The following IARS1 variants were observed in gnomAD, a reference collection of about 807,000 sequenced individuals.
IARS1 encodes isoleucine--tRNA ligase, cytoplasmic.
IARS1 carries 124 observed loss-of-function variants against 168.2 expected under a neutral mutation model. The observed-to-expected ratio is 0.74, with a 90% confidence interval of 0.64 to 0.86. IARS1 has a LOEUF of 0.86. IARS1 is among the 40% of genes least tolerant of loss of function. The probability of loss-of-function intolerance (pLI) is 0.00; values close to 1 mark genes in which losing one functional copy is unlikely to be tolerated. For missense variants in IARS1, 1,452 were observed against 1,515.8 expected (o/e 0.96, Z 0.70); for synonymous variants, 532 against 529.4 (o/e 1.00, Z -0.07).
Position 92,250,079 on chromosome 9 carries a change from C to A in IARS1, c.2532+108G>T, listed in dbSNP as rs770171544. 3.1e-4 allele frequency: 271 copies of A among 871,724 alleles called. 1 individual carries two copies. Among genetic ancestry groups the A allele is most frequent in the Non-Finnish European group, 4.4e-4 (229 of 521,590 alleles). The allele number at this position is 871,724 out of a possible 1,614,324, so 54.0% of individuals were successfully genotyped here. ...TACTAAGTCATTCACACCCTCACTGCAGAAAAGGAAAAAGGCCATTGGTGG... is the reference window on the plus strand; with the variant it reads ...TACTAAGTCATTCACACCCTCACTGAAGAAAAGGAAAAAGGCCATTGGTGG... On this transcript the variant is annotated intron_variant, in intron 24 of 33. Transcript: ENST00000443024.
In IARS1 at chr9:92,217,829, G is replaced by A. The variant is rs951015832; in HGVS notation, c.3706+4691C>T. The stretch of plus-strand genomic sequence containing the variant: ...TCCAGGACCAGATGGATTCACAGCC[G>A]AATTCTACCAGAGGTACAAGGAGGA... On this transcript the variant is annotated intron_variant, in intron 33 of 33. Transcript: ENST00000443024. 2.0e-3 allele frequency among the ~76,000 whole-genome samples: 306 copies of A among 151,738 alleles called. 2 individuals carry two copies. Among genetic ancestry groups the A allele is most frequent in the African/African-American group, 7.0e-3 (289 of 41,454 alleles).
intron 19 of IARS1, 49 bp downstream of exon 19, chr9:92,258,805 G>A: frequency 6.6e-7 from 1 of 1,519,552 alleles, no homozygotes; most frequent in Non-Finnish European, 8.8e-7. Flanking sequence ...GGTGAAGGGA[G>A]CGCTGTGGAG....
chr9:92,265,552 A>G lies in IARS1; in HGVS notation c.1433T>C (p.Val478Ala), dbSNP rs1426262068. 2 of 1,613,834 alleles carry G rather than the reference A, an allele frequency of 1.2e-6. No homozygotes were observed. Among genetic ancestry groups the G allele is most frequent in the East Asian group, 2.2e-5 (1 of 44,880 alleles). ...TTCCGCCACTGACCCAATGCATACC[A>G]CCTGTCAAAAACAAAGTTCAATAGC... is the stretch of plus-strand genomic sequence containing the variant. ...PLWVSDDFEE[V>A]VCIGSVAELE... The change falls in exon 15 of 34, where the codon GTG becomes GCG. Residue 478 changes from valine (V) to alanine (A), a missense_variant and splice_region_variant. Val to Ala is a moderately conservative substitution (Grantham distance 64). Transcript: ENST00000443024.
chr9:92,271,992 G>C (rs1415886823), intron 10 of IARS1, among the ~76,000 whole-genome samples: 1 of 152,184 alleles, frequency 6.6e-6, no homozygotes, highest in Non-Finnish European at 1.5e-5. Context: ...TCCATAAGCA[G>C]AGCAGCCACA....
At chr9:92,213,259 C>T (rs1199788110) in intron 33 of IARS1, among the ~76,000 whole-genome samples, 2 of 152,044 alleles carry the variant, frequency 1.3e-5, no homozygotes, top group East Asian at 3.9e-4. Flanking sequence ...GAAAAGCCTC[C>T]GGTATATACA....
At chr9:92,241,994 C>T (rs1828481004) in intron 29 of IARS1, among the ~76,000 whole-genome samples, 160 bp downstream of exon 29, 1 of 151,780 alleles carries the variant, frequency 6.6e-6, no homozygotes, top group Non-Finnish European at 1.5e-5. Context: ...CTTTTCTGAG[C>T]TTCCACTCTC....
intron 11 of IARS1, 118 bp from the exon 12 acceptor site, chr9:92,271,194 T>C (rs138322108): frequency 1.4e-4 from 88 of 618,552 alleles, no homozygotes; most frequent in African/African-American, 1.3e-3. Context: ...ATATTATTTA[T>C]TATTTTTAGT....
At position 92,258,278 on chromosome 9, in the gene IARS1, A is replaced by T. The variant is rs1587819100; in HGVS notation, c.2016+576T>A. On this transcript the variant is annotated intron_variant, in intron 19 of 33. Transcript: ENST00000443024. ...TAAGGGGAGGGGTGTCTCACTCAAC[A>T]TGGTGTTCCTGGTACCAAGAACTGG... Among the ~76,000 whole-genome samples, 4 of 152,220 alleles carry T rather than the reference A, an allele frequency of 2.6e-5. 1 individual carries two copies. The East Asian group carries it at 7.7e-4, about 29-fold the overall frequency.
chr9:92,250,645 T>C, intron 23 of IARS1, 68 bp downstream of exon 23: 1 of 1,464,814 alleles, frequency 6.8e-7, no homozygotes, highest in Non-Finnish European at 9.2e-7. Flanking sequence ...ATCCCTCCTC[T>C]TCCCCACATG....
intron 21 of IARS1, 47 bp downstream of exon 21, chr9:92,253,315 C>T (rs1398835994): frequency 1.9e-5 from 23 of 1,203,502 alleles, no homozygotes; most frequent in African/African-American, 3.0e-5. Context: ...CTTCTACTTT[C>T]AAACTTCATA....
chr9:92,290,462 T>C (rs985237502), intron 1 of IARS1, among the ~76,000 whole-genome samples: 8 of 152,196 alleles, frequency 5.3e-5, no homozygotes, highest in Non-Finnish European at 1.0e-4. Context: ...GATATATGAT[T>C]TATAAAAAAT....
intron 33 of IARS1, among the ~76,000 whole-genome samples, chr9:92,214,392 C>T (rs983348930): frequency 2.0e-5 from 3 of 152,038 alleles, no homozygotes; most frequent in African/African-American, 7.2e-5. Flanking sequence ...CCTGTCTCTA[C>T]TAAAATTACA....
intron 29 of IARS1, among the ~76,000 whole-genome samples, chr9:92,241,568 T>C (rs1275339397): frequency 2.6e-5 from 4 of 152,118 alleles, no homozygotes; most frequent in Non-Finnish European, 4.4e-5. Context: ...TCTCGCACTC[T>C]TGACCTCAAG....
chr9:92,240,636 C>T, intron 30 of IARS1: 1 of 715,330 alleles, frequency 1.4e-6, no homozygotes, highest in Non-Finnish European at 2.6e-6. Flanking sequence ...TCAAGCAATC[C>T]TCTCACCTTG....
chr9:92,251,911 C>T (rs1388674140), intron 21 of IARS1, 26 bp from the exon 22 acceptor site: 3 of 1,474,356 alleles, frequency 2.0e-6, no homozygotes, highest in Non-Finnish European at 2.8e-6. Flanking sequence ...GAAACATAAA[C>T]ATTAAACTGT....
chr9:92,278,579 TA>T (rs1440633641), intron 7 of IARS1, among the ~76,000 whole-genome samples: 1 of 152,246 alleles, frequency 6.6e-6, no homozygotes, highest in Non-Finnish European at 1.5e-5. Context: ...TGTCAATGTT[TA>T]AAAATAACAT....
chr9:92,222,609 G>T lies in IARS1; in HGVS notation c.3617C>A (p.Thr1206Asn). The change falls in exon 33 of 34, where the codon ACC (threonine) becomes AAC (asparagine). Residue 1206 changes from threonine to asparagine, a missense_variant. Thr to Asn is a moderately conservative substitution (Grantham distance 65, BLOSUM62 0). Transcript: ENST00000443024. ...TGCTTCATACAGAAGACCTTGGTGG[G>T]TGAGTCCATTCTGCCCAAGTGGGTT... ...LENPLGQNGL[T>N]HQGLLYEAAK... The T allele has an allele frequency of 1.9e-6, 3 of 1,614,042 alleles. No homozygotes were observed. The South Asian group carries it at 3.3e-5, about 18-fold the overall frequency.
Position 92,265,505 on chromosome 9 carries a change from T to C in IARS1, c.1480A>G (p.Lys494Glu). Reference sequence around the variant, plus strand: ...CTCTCTCTGTGGAGATCTGAGATCTTTGCTCCTGACAGTTCTTCAAGTTCC... The same window carrying C: ...CTCTCTCTGTGGAGATCTGAGATCTCTGCTCCTGACAGTTCTTCAAGTTCC... ...VAELEELSGA[K>E]ISDLHRESVD... Residue 494 changes from lysine to glutamate, a missense_variant, in exon 15 of 34, where the codon AAG (lysine) becomes GAG (glutamate). Transcript: ENST00000443024. 1.2e-6 allele frequency: 2 copies of C among 1,613,500 alleles called. No homozygotes were observed. The highest frequency in any genetic ancestry group is 1.7e-6 in the Non-Finnish European group (2 of 1,179,824).
At chr9:92,236,401 T>C (rs1827536662) in intron 30 of IARS1, among the ~76,000 whole-genome samples, 1 of 151,896 alleles carries the variant, frequency 6.6e-6, no homozygotes, top group South Asian at 2.1e-4. Flanking sequence ...ACAACTGGTG[T>C]TAATTCTGGT....
Sources: allele counts gnomAD v4.1 joint callset (sites outside exome capture counted in the v4.1 genomes callset), GRCh38; gene constraint gnomAD v4.1.1; transcripts MANE v1.5; gene names NCBI Gene and HGNC (gene_info 2026-07-23, HGNC 2026-07-21).